The following ACTA2 variants were observed in gnomAD, a reference collection of about 807,000 sequenced individuals.
ACTA2 encodes the protein actin alpha 2, smooth muscle, also known as actin, aortic smooth muscle.
Under a neutral mutation model 39.5 loss-of-function variants are expected in ACTA2, and 12 were observed. The ratio of observed to expected loss-of-function variants is 0.30; its 90% CI spans 0.19 to 0.49. The LOEUF is 0.49. Among genes scored for constraint, ACTA2 ranks in the 20% least tolerant of loss-of-function variants. The probability of loss-of-function intolerance (pLI) is 0.99; values close to 1 mark genes in which losing one functional copy is unlikely to be tolerated. For synonymous variants in ACTA2, 158 were observed against 180.6 expected, an observed-to-expected ratio of 0.88 and a Z score of 1.00; for missense variants, 236 against 498.8, an observed-to-expected ratio of 0.47 and a Z score of 5.02.
intron 3 of ACTA2, among the ~76,000 whole-genome samples, chr10:88,944,898 A>G (rs1472540762): frequency 1.3e-5 from 2 of 151,202 alleles, no homozygotes; most frequent in African/African-American, 2.4e-5. Context: ...ATCAAAACAG[A>G]GCAAAACAAG....
intron 1 of ACTA2, among the ~76,000 whole-genome samples, chr10:88,979,145 T>G (rs1457493256): frequency 6.6e-6 from 1 of 152,096 alleles, no homozygotes; most frequent in African/African-American, 2.4e-5. Flanking sequence ...ACAATTAAAA[T>G]TATAGATTCT....
At chr10:88,968,375 G>T (rs564027184) in intron 1 of ACTA2, among the ~76,000 whole-genome samples, 1 of 152,108 alleles carries the variant, frequency 6.6e-6, no homozygotes, top group Non-Finnish European at 1.5e-5. Flanking sequence ...CAGGGTTTTT[G>T]ATCATCTTGG....
intron 1 of ACTA2, among the ~76,000 whole-genome samples, chr10:88,984,662 C>T (rs537518309): frequency 6.6e-6 from 1 of 151,784 alleles, no homozygotes; most frequent in East Asian, 1.9e-4. Flanking sequence ...TGAGCCAGGC[C>T]TCTCTTGACT....
intron 1 of ACTA2, among the ~76,000 whole-genome samples, chr10:88,988,232 A>G (rs1042061396): frequency 1.3e-5 from 2 of 152,246 alleles, no homozygotes; most frequent in African/African-American, 4.8e-5. Flanking sequence ...ACTTGGAAGT[A>G]CTATTACCAG....
intron 1 of ACTA2, among the ~76,000 whole-genome samples, chr10:88,963,205 A>G (rs1363801281): frequency 6.6e-6 from 1 of 151,596 alleles, no homozygotes. Context: ...CAGTAAGAAA[A>G]TCAGAAAATT....
At chr10:88,980,617 G>C (rs988205287) in intron 1 of ACTA2, among the ~76,000 whole-genome samples, 2 of 152,184 alleles carry the variant, frequency 1.3e-5, no homozygotes, top group Non-Finnish European at 2.9e-5. Flanking sequence ...GTAGGTACTC[G>C]TAAGTATTCG....
At chr10:88,962,278 C>CA (rs1192498535) in intron 1 of ACTA2, among the ~76,000 whole-genome samples, 1 of 152,154 alleles carries the variant, frequency 6.6e-6, no homozygotes, top group Non-Finnish European at 1.5e-5. Flanking sequence ...CAGGCTAAAT[C>CA]AATGTTTGCT....
chr10:88,988,113 T>C (rs1004839435), intron 1 of ACTA2, among the ~76,000 whole-genome samples: 2 of 152,178 alleles, frequency 1.3e-5, no homozygotes, highest in African/African-American at 4.8e-5. Flanking sequence ...CTATCTATCT[T>C]TCCATTTATT....
intron 1 of ACTA2, among the ~76,000 whole-genome samples, chr10:88,980,487 T>C (rs1846684391): frequency 6.6e-6 from 1 of 152,226 alleles, no homozygotes; most frequent in African/African-American, 2.4e-5. Flanking sequence ...AGGCCAGGCC[T>C]GATGCTTATA....
At chr10:88,961,914 A>G (rs1187282859) in intron 1 of ACTA2, among the ~76,000 whole-genome samples, 1 of 152,168 alleles carries the variant, frequency 6.6e-6, no homozygotes, top group Non-Finnish European at 1.5e-5. Flanking sequence ...TAATGGCTGC[A>G]TTGATTTGCC....
exon 1 of ACTA2, chr10:88,991,245 G>A (rs1428308281): frequency 4.1e-6 from 2 of 485,994 alleles, no homozygotes; most frequent in South Asian, 2.1e-5. Flanking sequence ...AATTGAAGCG[G>A]AAGTCTGGGA....
intron 1 of ACTA2, chr10:88,974,575 C>CAGGA (rs1159057739): frequency 6.6e-6 from 1 of 152,150 alleles, no homozygotes; most frequent in African/African-American, 2.4e-5. Context: ...TGATCTTGAA[C>CAGGA]TCCTGGCCTC....
At chr10:88,965,650 G>A (rs1246047202) in intron 1 of ACTA2, among the ~76,000 whole-genome samples, 4 of 129,190 alleles carry the variant, frequency 3.1e-5, no homozygotes, top group African/African-American at 1.2e-4. Context: ...TAGTTGCAAG[G>A]TCAAGCCATT....
chr10:88,942,808 C>T (rs961831160), intron 4 of ACTA2, among the ~76,000 whole-genome samples: 3 of 151,964 alleles, frequency 2.0e-5, no homozygotes, highest in Non-Finnish European at 4.4e-5. Context: ...ACATCTCTTG[C>T]GACGTGCAGT....
At chr10:88,962,245 C>T (rs1475216292) in intron 1 of ACTA2, among the ~76,000 whole-genome samples, 1 of 152,154 alleles carries the variant, frequency 6.6e-6, no homozygotes. Flanking sequence ...TGGCAATTAA[C>T]TAACATTTTT....
At chr10:88,963,355 C>G (rs1846268222) in intron 1 of ACTA2, among the ~76,000 whole-genome samples, 2 of 151,732 alleles carry the variant, frequency 1.3e-5, no homozygotes, top group Non-Finnish European at 2.9e-5. Flanking sequence ...TACCATGTCC[C>G]CAAGTATAGT....
intron 8 of ACTA2, among the ~76,000 whole-genome samples, chr10:88,936,399 G>A (rs994677364): frequency 2.6e-5 from 4 of 152,180 alleles, no homozygotes; most frequent in African/African-American, 9.7e-5. Context: ...CAAATCTCAT[G>A]TTGAGATGTA....
At position 88,990,772 on chromosome 10, in the gene ACTA2, A is replaced by G. The variant is rs752662349; in HGVS notation, c.-24+167T>C. ...CTGGCACGGAACACACCCTGAGGCCAGCCCTGGCTGCCCAGGCGGAGCTGC... is the reference window on the plus strand; with the variant it reads ...CTGGCACGGAACACACCCTGAGGCCGGCCCTGGCTGCCCAGGCGGAGCTGC... On this transcript the variant is annotated intron_variant, in intron 1 of 4. Coordinates refer to the ACTA2 transcript ENST00000415557. The surrounding 1 kb of genome is among the most constrained non-coding windows in gnomAD (Gnocchi z 4.9). 6.8e-7 allele frequency: 1 copy of G among 1,476,204 alleles called. No individual in the cohort carries two copies. Among genetic ancestry groups the G allele is most frequent in the South Asian group, 1.1e-5 (1 of 87,554 alleles). The allele number at this position is 1,476,204 out of a possible 1,614,324, so 91.4% of individuals were successfully genotyped here. A position where few individuals can be genotyped will look rare whatever the true frequency, so the allele number is the denominator to read the frequency against.
intron 2 of ACTA2, chr10:88,948,471 ACAGTAGCTTTGGTATACAT>A (rs968442826): frequency 2.6e-5 from 8 of 303,704 alleles, no homozygotes; most frequent in Admixed American, 9.0e-5. Flanking sequence ...TTCTTTCCAA[ACAGTAGCTTTGGTATACAT>A]CAGGATAATG....
Sources: gnomAD v4.1 joint callset for allele counts (sites outside exome capture counted in the v4.1 genomes callset) on GRCh38, gnomAD v4.1.1 for gene constraint, Gnocchi (gnomAD v3.1) non-coding constraint, MANE v1.5 for transcripts, NCBI Gene and HGNC (gene_info 2026-07-23, HGNC 2026-07-21) for gene names.